The following RASSF2 variants were observed in gnomAD, a reference collection of about 807,000 sequenced individuals.
RASSF2 encodes ras association domain-containing protein 2.
Under a neutral mutation model 46.3 loss-of-function variants are expected in RASSF2, and 34 were observed. The observed-to-expected ratio is 0.73, with a 90% CI of 0.56 to 0.98. The LOEUF is 0.98. RASSF2 is among the 50% of genes least tolerant of loss of function. RASSF2 has a pLI of 0.00. For missense variants in RASSF2, 364 were observed against 431.2 expected (o/e 0.84, Z 1.38); for synonymous variants, 158 against 162.5 (o/e 0.97, Z 0.21).
chr20:4,817,647 G>C (rs2423042), intron 2 of RASSF2, among the ~76,000 whole-genome samples: 34,132 of 151,928 alleles, frequency 0.22, 4,162 homozygotes, highest in African/African-American at 0.31. Flanking sequence ...ACCTCTCCAG[G>C]CCTCCTCTGG....
At chr20:4,819,496 A>T (rs1187479633) in intron 2 of RASSF2, among the ~76,000 whole-genome samples, 4 of 152,206 alleles carry the variant, frequency 2.6e-5, no homozygotes, top group Non-Finnish European at 5.9e-5. Context: ...GACAGCACAG[A>T]ACATGCCCCA....
chr20:4,787,626 A>T lies in RASSF2; in HGVS notation c.813+7T>A. ...AGGACAGATCGCCTGACCCAAAGGGAACTCACGTCGTAGGTGACTTCCTCC... is the reference window on the plus strand; with the variant it reads ...AGGACAGATCGCCTGACCCAAAGGGTACTCACGTCGTAGGTGACTTCCTCC... On this transcript the variant is annotated splice_region_variant and intron_variant, in intron 10 of 11. Transcript: ENST00000379400. 1 of 1,614,126 alleles carries T rather than the reference A, an allele frequency of 6.2e-7. No homozygotes were observed. The highest frequency in any genetic ancestry group is 8.5e-7 in the Non-Finnish European group (1 of 1,180,018).
In RASSF2 at chr20:4,781,020, A is replaced by G. The variant is rs1318159929; in HGVS notation, c.*3253T>C. 1 of 151,740 alleles carries G rather than the reference A, an allele frequency of 6.6e-6. No homozygotes were observed. The highest frequency in any genetic ancestry group is 1.5e-5 in the Non-Finnish European group (1 of 67,978). The allele number at this position is 151,740 out of a possible 1,614,324, so 9.4% of individuals were successfully genotyped here. A position where few individuals can be genotyped will look rare whatever the true frequency, so the allele number is the denominator to read the frequency against. On this transcript the variant is annotated 3_prime_UTR_variant, in exon 12 of 12. Transcript: ENST00000379400. ...CCTCTCTCGGCGATGTATCTGTGAC[A>G]CCACATTCTCTGTGCTACAGAGCTT...
At chr20:4,796,646 T>C (rs946353418) in intron 4 of RASSF2, among the ~76,000 whole-genome samples, 1 of 152,264 alleles carries the variant, frequency 6.6e-6, no homozygotes, top group African/African-American at 2.4e-5. Context: ...CAAAGGTTGC[T>C]GACTAATTAG....
intron 11 of RASSF2, among the ~76,000 whole-genome samples, chr20:4,785,182 A>G (rs1472865156): frequency 6.6e-6 from 1 of 151,476 alleles, no homozygotes; most frequent in Non-Finnish European, 1.5e-5. Context: ...AAAGAAAGAA[A>G]GAAAAAAATA....
chr20:4,787,795 T>G, intron 9 of RASSF2, 41 bp from the exon 10 acceptor site: 1 of 1,609,674 alleles, frequency 6.2e-7, no homozygotes, highest in Admixed American at 1.7e-5. Context: ...GAGAGGCCTT[T>G]CTCACATTAA....
At chr20:4,818,531 C>T (rs747282322) in intron 2 of RASSF2, among the ~76,000 whole-genome samples, 1 of 152,210 alleles carries the variant, frequency 6.6e-6, no homozygotes, top group Non-Finnish European at 1.5e-5. Context: ...CTCTTCCCAA[C>T]TGAGTGTTCA....
intron 5 of RASSF2, among the ~76,000 whole-genome samples, chr20:4,794,912 CAT>C (rs1383928390): frequency 2.0e-5 from 3 of 152,310 alleles, no homozygotes; most frequent in Admixed American, 2.0e-4. Flanking sequence ...TGTAGAGAAA[CAT>C]AGATTTGGCT....
At chr20:4,815,388 TACC>T (rs71984843) in intron 2 of RASSF2, among the ~76,000 whole-genome samples, 66,024 of 151,684 alleles carry the variant, frequency 0.44, 15,631 homozygotes, top group Non-Finnish European at 0.54. Flanking sequence ...TATCTGAGGC[TACC>T]ACCACCCATC....
At chr20:4,799,325 A>G (rs1926666985) in intron 3 of RASSF2, among the ~76,000 whole-genome samples, 1 of 152,218 alleles carries the variant, frequency 6.6e-6, no homozygotes, top group African/African-American at 2.4e-5. Flanking sequence ...GAAATCCCTC[A>G]TCAACCCTGA....
chr20:4,802,104 T>G (rs1926919955), intron 2 of RASSF2, among the ~76,000 whole-genome samples: 1 of 151,868 alleles, frequency 6.6e-6, no homozygotes. Context: ...GCGATGTCAC[T>G]TTGTCACCTG....
At position 4,790,648 on chromosome 20, in the gene RASSF2, G is replaced by T; in HGVS notation, c.377-37C>A. ...GAGGGAAATGAACTCTGTCTGTCTG[G>T]ACCTGGGACATGGCACATGGTCCCC... is the stretch of plus-strand genomic sequence containing the variant. On this transcript the variant is annotated intron_variant, in intron 6 of 11. Coordinates refer to ENST00000379400, the MANE Select transcript of RASSF2 (RefSeq NM_014737.3). The surrounding 1 kb of genome is among the most constrained non-coding windows in gnomAD (Gnocchi z 4.3). 6.7e-7 allele frequency: 1 copy of T among 1,495,602 alleles called. No homozygotes were observed. The highest frequency in any genetic ancestry group is 1.4e-5 in the South Asian group (1 of 71,334). The allele number at this position is 1,495,602 out of a possible 1,614,324, so 92.6% of individuals were successfully genotyped here. A position where few individuals can be genotyped will look rare whatever the true frequency, so the allele number is the denominator to read the frequency against.
rs748633226 is a variant in RASSF2 at position 4,802,770 on chromosome 20, CACA to C, written c.-32-1711_-32-1709del. 2.1e-4 allele frequency among the ~76,000 whole-genome samples: 32 copies of C among 151,962 alleles called. No individual in the cohort carries two copies. The South Asian group carries it at 6.7e-3, about 32-fold the overall frequency. ...TGGAGATAGACGGCAGTGATGGTTA[CACA>C]ACATGTGAAGTTACTTAATGCCACT... On this transcript the variant is annotated intron_variant, in intron 2 of 11. Transcript: ENST00000379400.
At chr20:4,818,178 A>G (rs997569586) in intron 2 of RASSF2, among the ~76,000 whole-genome samples, 14 of 152,088 alleles carry the variant, frequency 9.2e-5, no homozygotes, top group African/African-American at 3.1e-4. Flanking sequence ...GAGGCAGGAG[A>G]ATCGCTTGAA....
At chr20:4,799,331 C>T (rs1209413217) in intron 3 of RASSF2, among the ~76,000 whole-genome samples, 2 of 152,142 alleles carry the variant, frequency 1.3e-5, no homozygotes, top group African/African-American at 4.8e-5. Context: ...CCTCATCAAC[C>T]CTGAGAATGC....
intron 2 of RASSF2, among the ~76,000 whole-genome samples, chr20:4,813,031 C>A (rs756979042): frequency 1.3e-5 from 2 of 152,124 alleles, no homozygotes; most frequent in Non-Finnish European, 2.9e-5. Context: ...AGGTCCAGGA[C>A]GTGGGCACTT....
chr20:4,821,758 T>G (rs1928703649), intron 2 of RASSF2, among the ~76,000 whole-genome samples: 2 of 152,202 alleles, frequency 1.3e-5, no homozygotes, highest in Admixed American at 1.3e-4. Context: ...ACACCCGCTC[T>G]TTCCAAAACT....
At chr20:4,820,660 C>T (rs1291274492) in intron 2 of RASSF2, among the ~76,000 whole-genome samples, 1 of 152,050 alleles carries the variant, frequency 6.6e-6, no homozygotes, top group Non-Finnish European at 1.5e-5. Flanking sequence ...AATTTCTACC[C>T]CTTGCTTTAT....
At chr20:4,822,457 A>G (rs890858505) in intron 1 of RASSF2, 54 bp from the exon 2 acceptor site, 2 of 152,254 alleles carry the variant, frequency 1.3e-5, no homozygotes, top group African/African-American at 4.8e-5. Flanking sequence ...GGCTTCTCCT[A>G]TCACTGAGGC....
Sources: allele counts gnomAD v4.1 joint callset (sites outside exome capture counted in the v4.1 genomes callset), GRCh38; gene constraint gnomAD v4.1.1; non-coding constraint Gnocchi (gnomAD v3.1); transcripts MANE v1.5; gene names NCBI Gene and HGNC (gene_info 2026-07-23, HGNC 2026-07-21).